SMTN: variants seen among roughly 807,000 people sequenced by gnomAD.
SMTN encodes smoothelin.
A neutral mutation model predicts 102.0 loss-of-function variants in SMTN; 58 were observed. The ratio of observed to expected loss-of-function variants is 0.57; its 90% CI spans 0.46 to 0.71. The LOEUF (loss-of-function observed/expected upper bound fraction) is 0.71, where lower values mean the gene tolerates loss of function less well. SMTN is among the 30% of genes least tolerant of loss of function. SMTN has a pLI of 0.00. For synonymous variants in SMTN, 478 were observed against 497.9 expected (o/e 0.96, Z 0.53); for missense variants, 1,185 against 1,241.7 (o/e 0.95, Z 0.69).
In SMTN at chr22:31,083,296, C is replaced by G; in HGVS notation, c.38C>G (p.Ala13Gly). ...GCCTTAGCTGGGCTGGATGAGGGAG[C>G]CCTTCGGAAGCTGGTAAGTGGCCCC... is the stretch of plus-strand genomic sequence containing the variant. ...DEALAGLDEG[A>G]LRKLLEVTAD... Residue 13 changes from alanine (A) to glycine (G), a missense_variant, in exon 2 of 21, where the codon GCC becomes GGC. By Grantham distance (60) the Ala-to-Gly change is moderately conservative. This residue lies in a region of SMTN where 1,096 missense variants were observed against 1,112.7 expected (regional missense o/e 0.98). Transcript: ENST00000333137. 1 of 1,577,334 alleles carries G rather than the reference C, an allele frequency of 6.3e-7. No homozygotes were observed. Among genetic ancestry groups the G allele is most frequent in the Non-Finnish European group, 8.6e-7 (1 of 1,163,912 alleles).
At chr22:31,097,711 AATAG>A (rs1344431538) in intron 16 of SMTN, among the ~76,000 whole-genome samples, 3 of 129,028 alleles carry the variant, frequency 2.3e-5, no homozygotes, top group South Asian at 4.6e-4. Context: ...CTCAAAAATA[AATAG>A]ATAAATAAAT....
chr22:31,090,130 C>T lies in SMTN; in HGVS notation c.815C>T (p.Thr272Ile), dbSNP rs1283861275. ...VNKLLSGPKE[T>I]PAAQSPTRGP... ...CAGCTTCTGTCTGGCCCCAAAGAGACCCCTGCTGCCCAGAGCCCCACCAGA... is the reference window on the plus strand; with the variant it reads ...CAGCTTCTGTCTGGCCCCAAAGAGATCCCTGCTGCCCAGAGCCCCACCAGA... Residue 272 changes from threonine (T) to isoleucine (I), a missense_variant, in exon 8 of 21, where the codon ACC becomes ATC. Physicochemically the swap from Thr to Ile is moderately conservative, Grantham distance 89 (BLOSUM62 -1). Coordinates refer to ENST00000333137, the MANE Select transcript of SMTN (RefSeq NM_134269.3). The T allele has an allele frequency of 4.3e-6, 7 of 1,612,656 alleles. No individual in the cohort carries two copies. Among genetic ancestry groups the T allele is most frequent in the Non-Finnish European group, 5.9e-6 (7 of 1,179,288 alleles).
At chr22:31,083,352 C>A in intron 2 of SMTN, 43 bp downstream of exon 2, 1 of 1,505,230 alleles carries the variant, frequency 6.6e-7, no homozygotes, top group Non-Finnish European at 8.9e-7. Flanking sequence ...GAAAGCCAAG[C>A]CAGAGAGGCA....
In SMTN at chr22:31,104,582, A is replaced by C. The variant is rs923928542; in HGVS notation, c.*287A>C. On this transcript the variant is annotated 3_prime_UTR_variant, in exon 21 of 21. Coordinates refer to ENST00000333137, the MANE Select transcript of SMTN (RefSeq NM_134269.3). ...TGTCTGTTGCGACACCCTCCCCCCCACATACACACGCAGCGTTTTGATAAA... is the reference window on the plus strand; with the variant it reads ...TGTCTGTTGCGACACCCTCCCCCCCCCATACACACGCAGCGTTTTGATAAA... 1 of 976,122 alleles carries C rather than the reference A, an allele frequency of 1.0e-6. No individual in the cohort carries two copies. Among genetic ancestry groups the C allele is most frequent in the Non-Finnish European group, 1.6e-6 (1 of 637,684 alleles). The allele number at this position is 976,122 out of a possible 1,614,324, so 60.5% of individuals were successfully genotyped here. A position where few individuals can be genotyped will look rare whatever the true frequency, so the allele number is the denominator to read the frequency against.
chr22:31,099,236 T>C, intron 18 of SMTN, 57 bp downstream of exon 18: 1 of 1,124,836 alleles, frequency 8.9e-7, no homozygotes, highest in Non-Finnish European at 1.3e-6. Flanking sequence ...GCTCAACACC[T>C]CCTTCTTAGC....
In SMTN at chr22:31,083,168, G is replaced by A; in HGVS notation, c.-80-11G>A. On this transcript the variant is annotated splice_polypyrimidine_tract_variant and intron_variant, in intron 1 of 20. Coordinates refer to ENST00000333137, the MANE Select transcript of SMTN (RefSeq NM_134269.3). ...GCCCCAGCATGCCTGATTCATGTCT[G>A]TCCCCTGCAGAATTCTCTGAGCTGG... 1 of 1,562,140 alleles carries A rather than the reference G, an allele frequency of 6.4e-7. No homozygotes were observed. Among genetic ancestry groups the A allele is most frequent in the Non-Finnish European group, 8.7e-7 (1 of 1,152,024 alleles).
chr22:31,092,075 T>C (rs1215408931), intron 11 of SMTN, among the ~76,000 whole-genome samples: 1 of 152,208 alleles, frequency 6.6e-6, no homozygotes, highest in East Asian at 1.9e-4. Context: ...TACTCTGTAC[T>C]GGCGTTAAGC....
chr22:31,101,915 T>C (rs2044127205), intron 20 of SMTN: 1 of 150,474 alleles, frequency 6.6e-6, no homozygotes, highest in East Asian at 2.0e-4. Context: ...GGATGAGAGA[T>C]GGGATGGACT....
intron 5 of SMTN, 31 bp downstream of exon 5, chr22:31,088,808 C>T: frequency 6.2e-7 from 1 of 1,611,394 alleles, no homozygotes; most frequent in South Asian, 1.1e-5. Context: ...CCACCCCTGC[C>T]CTGCTGTCTG....
intron 11 of SMTN, chr22:31,092,325 C>T (rs770860480): frequency 2.4e-5 from 10 of 415,944 alleles, no homozygotes; most frequent in East Asian, 7.3e-5. Context: ...TTAGCATCTG[C>T]GTCAACCTCC....
chr22:31,089,601 C>T (rs922164270), intron 6 of SMTN, 98 bp from the exon 7 acceptor site: 6 of 1,158,782 alleles, frequency 5.2e-6, no homozygotes, highest in Non-Finnish European at 7.5e-6. Context: ...CTCTGCTTTG[C>T]ATGCCCTGCC....
chr22:31,074,079 A>G (rs575289894), intron 1 of SMTN, among the ~76,000 whole-genome samples: 9 of 152,236 alleles, frequency 5.9e-5, no homozygotes, highest in Non-Finnish European at 1.3e-4. Flanking sequence ...CGTATATTCT[A>G]TTGGCCAAAA....
upstream of SMTN, among the ~76,000 whole-genome samples, chr22:31,077,862 A>G (rs1178864250): frequency 2.0e-5 from 3 of 152,218 alleles, no homozygotes; most frequent in Non-Finnish European, 4.4e-5. Flanking sequence ...GTTTCCCAGC[A>G]GGTCCTCAGT....
At chr22:31,084,812 G>A (rs2042551759) in intron 2 of SMTN, among the ~76,000 whole-genome samples, 3 of 152,332 alleles carry the variant, frequency 2.0e-5, no homozygotes, top group African/African-American at 7.2e-5. Flanking sequence ...GGTGCCTCTC[G>A]AAGTCTTTCC....
At position 31,072,493 on chromosome 22, in the gene SMTN, C is replaced by T. The variant is rs577370587; in HGVS notation, c.-385-7957C>T. Among the ~76,000 whole-genome samples, 676 of 152,078 alleles carry T rather than the reference C, an allele frequency of 4.4e-3. 4 individuals are homozygous for T. The highest frequency in any genetic ancestry group is 0.031 in the Middle Eastern group (9 of 294). On this transcript the variant is annotated intron_variant, in intron 1 of 3. Transcript: ENST00000422839. ...TTTTCTTTTTTTGAGATGGAATTTC[C>T]CTCTTGTCACCCAGGCTGGAGGGCA...
chr22:31,099,146 G>A lies in SMTN; in HGVS notation c.2418G>A (p.Leu806=), dbSNP rs1233714562. ...PNANSIKQML[L]DWCRAKTRGY... ...CCAACAGCATCAAGCAGATGCTGCT[G>A]GACTGGTGTCGAGCCAAGACTCGCG... Residue 806 remains leucine, a synonymous_variant, in exon 18 of 21, where the codon CTG becomes CTA. Transcript: ENST00000333137. 1 of 1,613,080 alleles carries A rather than the reference G, an allele frequency of 6.2e-7. No individual in the cohort carries two copies. The highest frequency in any genetic ancestry group is 8.5e-7 in the Non-Finnish European group (1 of 1,179,888).
chr22:31,076,808 A>G (rs1180200519), upstream of SMTN, among the ~76,000 whole-genome samples: 1 of 152,106 alleles, frequency 6.6e-6, no homozygotes, highest in Non-Finnish European at 1.5e-5. Context: ...AGAAGTAGAG[A>G]GAAGGGTTTG....
intron 2 of SMTN, chr22:31,085,341 T>C: frequency 7.0e-7 from 1 of 1,430,610 alleles, no homozygotes. Context: ...TCGCAGAACC[T>C]GCGGGCCTTC....
chr22:31,093,151 C>G (rs1024138980), intron 11 of SMTN, among the ~76,000 whole-genome samples: 67 of 152,260 alleles, frequency 4.4e-4, no homozygotes, highest in African/African-American at 1.6e-3. Context: ...AGAACCCATG[C>G]AGTCTTACTG....
Sources: allele counts gnomAD v4.1 joint callset (sites outside exome capture counted in the v4.1 genomes callset), GRCh38; gene constraint gnomAD v4.1.1; regional missense constraint gnomAD v4.1.1; transcripts MANE v1.5; gene names NCBI Gene and HGNC (gene_info 2026-07-23, HGNC 2026-07-21).